ATP11C: variants seen among roughly 807,000 people sequenced by gnomAD.
The protein encoded by ATP11C is phospholipid-transporting ATPase IG.
In ATP11C, 36 loss-of-function variants were observed where a neutral mutation model predicts 97.4. The ratio of observed to expected loss-of-function variants is 0.37; its 90% CI spans 0.28 to 0.49. The LOEUF (loss-of-function observed/expected upper bound fraction) is 0.49. Among genes scored for constraint, ATP11C ranks in the 20% least tolerant of loss-of-function variants. ATP11C has a pLI of 0.98. For synonymous variants in ATP11C, 275 were observed against 290.9 expected, an observed-to-expected ratio of 0.95 and a Z score of 0.56; for missense variants, 730 against 824.6, an observed-to-expected ratio of 0.89 and a Z score of 1.40.
intron 1 of ATP11C, among the ~76,000 whole-genome samples, chrX:139,911,623 T>C (rs1037655395): frequency 1.8e-5 from 2 of 111,160 alleles, no homozygotes; most frequent in Non-Finnish European, 3.8e-5. Flanking sequence ...TTCCTATACA[T>C]ACAGTTTTGT....
chrX:139,860,974 C>G (rs2084181302), intron 1 of ATP11C, among the ~76,000 whole-genome samples: 1 of 112,068 alleles, frequency 8.9e-6, no homozygotes, highest in South Asian at 3.7e-4. Context: ...AGACTCTTTG[C>G]TCAAGTCAAT....
intron 1 of ATP11C, among the ~76,000 whole-genome samples, chrX:139,920,790 T>A (rs961240477): frequency 8.9e-6 from 1 of 111,887 alleles, no homozygotes; most frequent in Non-Finnish European, 1.9e-5. Flanking sequence ...CTGGTGTGCG[T>A]CTGTAAAAGA....
At chrX:139,929,283 C>A (rs1287396884) in intron 1 of ATP11C, among the ~76,000 whole-genome samples, 1 of 111,866 alleles carries the variant, frequency 8.9e-6, no homozygotes, top group Non-Finnish European at 1.9e-5. Context: ...CCACCAATTT[C>A]TTTCCACCTC....
chrX:139,866,163 G>C (rs1018523606), intron 1 of ATP11C, among the ~76,000 whole-genome samples: 1 of 109,076 alleles, frequency 9.2e-6, no homozygotes, highest in East Asian at 2.9e-4. Flanking sequence ...GACCAACATA[G>C]TGAAACCCTG....
intron 1 of ATP11C, among the ~76,000 whole-genome samples, chrX:139,862,350 T>C (rs1376275514): frequency 9.0e-6 from 1 of 111,590 alleles, no homozygotes; most frequent in Non-Finnish European, 1.9e-5. Flanking sequence ...GAACCTCAAC[T>C]TGAAGCTCCT....
intron 19 of ATP11C, among the ~76,000 whole-genome samples, chrX:139,769,020 T>A (rs1310735375): frequency 9.2e-6 from 1 of 108,239 alleles, no homozygotes; most frequent in Non-Finnish European, 1.9e-5. Flanking sequence ...ATAATACAAT[T>A]GCCCAAGCCA....
chrX:139,919,281 TATA>T (rs760276254), intron 1 of ATP11C, among the ~76,000 whole-genome samples: 3 of 108,289 alleles, frequency 2.8e-5, no homozygotes, highest in Non-Finnish European at 5.7e-5. Context: ...GGCTCTCACC[TATA>T]ATCCCAGGAA....
At chrX:139,846,059 G>A (rs913647516) in intron 1 of ATP11C, among the ~76,000 whole-genome samples, 6 of 111,854 alleles carry the variant, frequency 5.4e-5, no homozygotes, top group Non-Finnish European at 9.4e-5. Context: ...TGACTTATAC[G>A]TTCATATTTA....
chrX:139,792,371 A>G (rs1438843195), intron 12 of ATP11C, among the ~76,000 whole-genome samples: 1 of 111,006 alleles, frequency 9.0e-6, no homozygotes, highest in Non-Finnish European at 1.9e-5. Flanking sequence ...ACCAGTAAAC[A>G]TGACTGTTTC....
chrX:139,897,004 G>A (rs1354183827), intron 1 of ATP11C, among the ~76,000 whole-genome samples: 1 of 111,134 alleles, frequency 9.0e-6, no homozygotes, highest in Non-Finnish European at 1.9e-5. Context: ...GAGGTGGGCA[G>A]ATGGCTTGAG....
intron 18 of ATP11C, among the ~76,000 whole-genome samples, chrX:139,779,085 T>TA (rs769576005): frequency 9.0e-6 from 1 of 111,486 alleles, no homozygotes; most frequent in Non-Finnish European, 1.9e-5. Flanking sequence ...CCCAGATTGA[T>TA]AAAACAATCA....
intron 14 of ATP11C, 53 bp downstream of exon 14, chrX:139,788,139 T>C (rs1363069695): frequency 4.9e-5 from 51 of 1,050,507 alleles, no homozygotes; most frequent in Non-Finnish European, 5.9e-5. Context: ...AAATAACTTC[T>C]GTCCTCCTGT....
At position 139,731,810 on chromosome X, in the gene ATP11C, G is replaced by A. The variant is rs756140771; in HGVS notation, c.3289-55C>T. 2.2e-4 allele frequency: 172 copies of A among 786,234 alleles called. No homozygotes were observed. The African/African-American group carries it at 3.5e-3, about 16-fold the overall frequency. The allele number at this position is 786,234 out of a possible 1,213,427, so 64.8% of individuals were successfully genotyped here. A position where few individuals can be genotyped will look rare whatever the true frequency, so the allele number is the denominator to read the frequency against. ...CATTTGAAAATTGGTTAACCTACCT[G>A]GTGATTATATATTTAAAAAAAGGTA... On this transcript the variant is annotated intron_variant, in intron 28 of 29. Transcript: ENST00000682941.
intron 1 of ATP11C, among the ~76,000 whole-genome samples, chrX:139,884,635 T>C (rs2084611764): frequency 8.9e-6 from 1 of 112,287 alleles, no homozygotes; most frequent in African/African-American, 3.2e-5. Flanking sequence ...GCAGTACTTT[T>C]TAAAATTTTC....
At chrX:139,848,543 G>C (rs2083944089) in intron 1 of ATP11C, among the ~76,000 whole-genome samples, 1 of 108,517 alleles carries the variant, frequency 9.2e-6, no homozygotes, top group African/African-American at 3.4e-5. Context: ...AGGTTGGAGT[G>C]CAGTGGCTAT....
At chrX:139,899,142 A>G (rs1044116113) in intron 1 of ATP11C, among the ~76,000 whole-genome samples, 3 of 111,533 alleles carry the variant, frequency 2.7e-5, no homozygotes, top group African/African-American at 9.8e-5. Flanking sequence ...GGAAAGTCTG[A>G]GAAACTGTCA....
intron 19 of ATP11C, among the ~76,000 whole-genome samples, chrX:139,771,094 T>C (rs1021154467): frequency 2.7e-5 from 3 of 111,451 alleles, no homozygotes; most frequent in Non-Finnish European, 3.8e-5. Flanking sequence ...TCAACTTGAA[T>C]TGTATCTCCC....
At chrX:139,819,220 AT>A in intron 3 of ATP11C, 117 bp downstream of exon 3, 1 of 306,723 alleles carries the variant, frequency 3.3e-6, no homozygotes. Flanking sequence ...AGAAGTCATA[AT>A]AAGCTCTGGA....
At chrX:139,846,159 C>T (rs943271427) in intron 1 of ATP11C, among the ~76,000 whole-genome samples, 3 of 112,212 alleles carry the variant, frequency 2.7e-5, no homozygotes, top group Admixed American at 1.9e-4. Flanking sequence ...GGCTATTAAT[C>T]GGTATGTTAT....
Sources: allele counts gnomAD v4.1 joint callset (sites outside exome capture counted in the v4.1 genomes callset), GRCh38; gene constraint gnomAD v4.1.1; transcripts MANE v1.5; gene names NCBI Gene and HGNC (gene_info 2026-07-23, HGNC 2026-07-21).